Variants in ANKFY1 observed in about 807,000 individuals in gnomAD.
ANKFY1 encodes the protein ankyrin repeat and FYVE domain containing 1, also known as ankyrin repeat and FYVE domain-containing protein 1.
Under a neutral mutation model 128.3 loss-of-function variants are expected in ANKFY1, and 47 were observed. The observed-to-expected ratio is 0.37, with a 90% CI of 0.29 to 0.47. ANKFY1 has a LOEUF of 0.47. Ranked by LOEUF, ANKFY1 falls within the 20% of genes least tolerant of loss-of-function variation. The pLI, the probability that ANKFY1 is intolerant of heterozygous loss-of-function variation, is 1.00. For missense variants in ANKFY1, 1,222 were observed against 1,510.6 expected (o/e 0.81, Z 3.17); for synonymous variants, 553 against 601.6 (o/e 0.92, Z 1.18).
intron 11 of ANKFY1, chr17:4,187,019 AGT>A: frequency 1.6e-6 from 2 of 1,225,498 alleles, no homozygotes; most frequent in Non-Finnish European, 2.0e-6. Context: ...TTCGTATTTC[AGT>A]GTCTTTGGGG....
intron 7 of ANKFY1, among the ~76,000 whole-genome samples, chr17:4,203,489 A>C (rs993271417): frequency 1.3e-5 from 2 of 152,130 alleles, no homozygotes; most frequent in Non-Finnish European, 2.9e-5. Flanking sequence ...CATCATTTTC[A>C]AATTTACTAA....
intron 4 of ANKFY1, among the ~76,000 whole-genome samples, chr17:4,214,719 G>C (rs1421406741): frequency 6.6e-6 from 1 of 151,656 alleles, no homozygotes; most frequent in Non-Finnish European, 1.5e-5. Flanking sequence ...GTAGAGACTG[G>C]GTTTCACCAT....
chr17:4,247,438 G>C (rs759123146), intron 1 of ANKFY1, among the ~76,000 whole-genome samples: 2 of 152,124 alleles, frequency 1.3e-5, no homozygotes, highest in Non-Finnish European at 2.9e-5. Context: ...AGCATGATTT[G>C]GGGCTCTTAG....
intron 1 of ANKFY1, among the ~76,000 whole-genome samples, chr17:4,261,456 G>C (rs1034501503): frequency 6.6e-6 from 1 of 152,214 alleles, no homozygotes; most frequent in Non-Finnish European, 1.5e-5. Context: ...CTCCCGCCTG[G>C]GCAACAGAGC....
chr17:4,249,215 G>A (rs1186414638), intron 1 of ANKFY1: 2 of 664,552 alleles, frequency 3.0e-6, no homozygotes, highest in African/African-American at 3.9e-5. Context: ...TTTAGGCTTT[G>A]GGAGCCATAC....
At chr17:4,209,215 C>T (rs1433832485) in intron 5 of ANKFY1, among the ~76,000 whole-genome samples, 1 of 152,270 alleles carries the variant, frequency 6.6e-6, no homozygotes, top group African/African-American at 2.4e-5. Flanking sequence ...TGGAGCCACA[C>T]CCTACTCCTG....
At chr17:4,222,734 A>C (rs550302168) in intron 3 of ANKFY1, 15 of 935,190 alleles carry the variant, frequency 1.6e-5, no homozygotes, top group African/African-American at 1.4e-4. Context: ...TTTCTTGTGC[A>C]GTAATATTTC....
At chr17:4,263,825 C>A in intron 1 of ANKFY1, 107 bp downstream of exon 1, 1 of 1,609,368 alleles carries the variant, frequency 6.2e-7, no homozygotes, top group Non-Finnish European at 8.5e-7. Flanking sequence ...ACCCGCGGAG[C>A]CCCCATGCAA....
intron 14 of ANKFY1, 96 bp downstream of exon 14, chr17:4,183,302 A>G (rs890395629): frequency 4.2e-5 from 62 of 1,467,666 alleles, no homozygotes; most frequent in Non-Finnish European, 4.7e-5. Context: ...TCTAACTAAT[A>G]TGAAACAAAA....
In ANKFY1 at chr17:4,184,856, T is replaced by C; in HGVS notation, c.1661A>G (p.Asn554Ser). 1.2e-6 allele frequency: 2 copies of C among 1,613,896 alleles called. No homozygotes were observed. Among genetic ancestry groups the C allele is most frequent in the South Asian group, 2.2e-5 (2 of 91,084 alleles). ...GATGACAGACACCACATCCGGATGGTTATAGGCGATCGCCATGTGCAGTGG... is the reference window on the plus strand; with the variant it reads ...GATGACAGACACCACATCCGGATGGCTATAGGCGATCGCCATGTGCAGTGG... ...QTPLHMAIAY[N>S]HPDVVSVILE... Residue 554 changes from asparagine (N) to serine (S), a missense_variant, in exon 12 of 25, where the codon AAC (asparagine) becomes AGC (serine). Physicochemically the swap from Asn to Ser is conservative, Grantham distance 46 (BLOSUM62 1). Transcript: ENST00000341657.
At position 4,197,435 on chromosome 17, in the gene ANKFY1, C is replaced by T. The variant is rs989882511; in HGVS notation, c.1041G>A (p.Ala347=). ...CCTGCAGAAGGGCCTCTGCAATCTG[C>T]GCCATCTCAGACATCACATCTGCTG... The part of the protein sequence containing the change: ...KHSADVMSEM[A]QIAEALLQAG... The change falls in exon 8 of 25, where the codon GCG becomes GCA. Residue 347 remains alanine, a synonymous_variant. Coordinates refer to ENST00000341657, the MANE Select transcript of ANKFY1 (RefSeq NM_001330063.2). 5 of 1,614,086 alleles carry T rather than the reference C, an allele frequency of 3.1e-6. No individual in the cohort carries two copies. Among genetic ancestry groups the T allele is most frequent in the East Asian group, 2.2e-5 (1 of 44,896 alleles).
chr17:4,183,970 G>T (rs756862717), intron 12 of ANKFY1, 60 bp from the exon 13 acceptor site: 2 of 1,450,932 alleles, frequency 1.4e-6, no homozygotes, highest in Non-Finnish European at 1.9e-6. Context: ...CACACTTAAA[G>T]CTTCAGTAGA....
intron 1 of ANKFY1, among the ~76,000 whole-genome samples, chr17:4,254,123 G>A (rs1169406730): frequency 6.6e-6 from 1 of 152,028 alleles, no homozygotes; most frequent in East Asian, 1.9e-4. Context: ...GGCTAACACG[G>A]TGAAACCCCA....
At chr17:4,245,672 G>A (rs907709533) in intron 1 of ANKFY1, among the ~76,000 whole-genome samples, 4 of 151,502 alleles carry the variant, frequency 2.6e-5, no homozygotes, top group Non-Finnish European at 5.9e-5. Flanking sequence ...GAGCCTAGGA[G>A]GTTCAGGCTG....
At chr17:4,205,943 G>A (rs147151037) in intron 7 of ANKFY1, among the ~76,000 whole-genome samples, 322 of 152,296 alleles carry the variant, frequency 2.1e-3, no homozygotes, top group African/African-American at 7.2e-3. Context: ...CAAGGTTTAT[G>A]GTTTTGCTAC....
rs1204690282 is a variant in ANKFY1, at chr17:4,169,169, G to C, written c.3377+29C>G. On this transcript the variant is annotated intron_variant, in intron 24 of 24. Coordinates refer to ENST00000341657, the MANE Select transcript of ANKFY1 (RefSeq NM_001330063.2). This position sits in a 1 kb window ranked among gnomAD's most constrained non-coding sequence, Gnocchi z 5.0. ...CAATGACATCAGCGGCAGTCCCCTC[G>C]CTCCTTGCCAGTGACGCTGGGGTCT... is the stretch of plus-strand genomic sequence containing the variant. The C allele has an allele frequency of 4.6e-6, 7 of 1,535,168 alleles. No homozygotes were observed. The highest frequency in any genetic ancestry group is 6.2e-6 in the Non-Finnish European group (7 of 1,132,602).
intron 1 of ANKFY1, among the ~76,000 whole-genome samples, chr17:4,251,989 A>C (rs1458814087): frequency 6.6e-6 from 1 of 151,536 alleles, no homozygotes; most frequent in African/African-American, 2.4e-5. Context: ...AGCTGAGATC[A>C]TACCACTGCA....
At chr17:4,263,690 G>A (rs2143624660) in intron 1 of ANKFY1, 1 of 1,518,816 alleles carries the variant, frequency 6.6e-7, no homozygotes, top group African/African-American at 1.4e-5. Context: ...GGACCTGCCA[G>A]CCCGGCTCCG....
rs185248466 is a variant in ANKFY1, at chr17:4,210,577, G to T, written c.459-630C>A. On this transcript the variant is annotated intron_variant, in intron 4 of 24. Transcript: ENST00000341657. ...TACAAAATTAGCCGGCTGTGGTGGC[G>T]CATGCCTGTAATCCAAGCTACTCGG... 2.2e-4 allele frequency among the ~76,000 whole-genome samples: 33 copies of T among 151,754 alleles called. 1 individual carries two copies. In the East Asian group the frequency reaches 4.1e-3, roughly 19 times the overall value.
Sources: gnomAD v4.1 joint callset for allele counts (sites outside exome capture counted in the v4.1 genomes callset) on GRCh38, gnomAD v4.1.1 for gene constraint, Gnocchi (gnomAD v3.1) non-coding constraint, MANE v1.5 for transcripts, NCBI Gene and HGNC (gene_info 2026-07-23, HGNC 2026-07-21) for gene names.